PCCA: variants seen among roughly 807,000 people sequenced by gnomAD.
The protein encoded by PCCA is propionyl-CoA carboxylase alpha chain, mitochondrial.
Under a neutral mutation model 101.3 loss-of-function variants are expected in PCCA, and 74 were observed. That is an observed-to-expected ratio of 0.73 (90% confidence interval 0.61 to 0.89). The LOEUF (loss-of-function observed/expected upper bound fraction) is 0.89, where lower values mean the gene tolerates loss of function less well. PCCA is among the 40% of genes least tolerant of loss of function. PCCA has a pLI of 0.00. For missense variants in PCCA, 891 were observed against 907.0 expected, an observed-to-expected ratio of 0.98 and a Z score of 0.23; for synonymous variants, 294 against 313.6, an observed-to-expected ratio of 0.94 and a Z score of 0.66.
chr13:100,095,287 G>C (rs2046667368), intron 1 of PCCA, among the ~76,000 whole-genome samples: 1 of 152,186 alleles, frequency 6.6e-6, no homozygotes, highest in African/African-American at 2.4e-5. Context: ...TATTGGCAAA[G>C]ACACTTTATC....
chr13:100,334,815 A>T (rs958677237), intron 17 of PCCA, among the ~76,000 whole-genome samples: 1 of 152,188 alleles, frequency 6.6e-6, no homozygotes, highest in Admixed American at 6.5e-5. Flanking sequence ...AGTGCATACT[A>T]GGAGTTTCAT....
intron 19 of PCCA, among the ~76,000 whole-genome samples, chr13:100,370,254 T>C (rs938889115): frequency 6.6e-6 from 1 of 151,720 alleles, no homozygotes. Flanking sequence ...CCAACTAATT[T>C]TTGTATTTTT....
chr13:100,242,919 CAG>C (rs151301711), intron 8 of PCCA, among the ~76,000 whole-genome samples: 2,929 of 152,102 alleles, frequency 0.019, 118 homozygotes, highest in East Asian at 0.12. Context: ...TTTTTTGAGA[CAG>C]AGTCTCATTC....
At chr13:100,279,000 G>A (rs9518040) in intron 12 of PCCA, among the ~76,000 whole-genome samples, 138,971 of 152,094 alleles carry the variant, frequency 0.91, 64,298 homozygotes, top group South Asian at 0.99. Context: ...ATATGAATCA[G>A]TGCTATAGAA....
chr13:100,145,369 G>C (rs906253546), intron 4 of PCCA, among the ~76,000 whole-genome samples: 1 of 152,102 alleles, frequency 6.6e-6, no homozygotes, highest in Non-Finnish European at 1.5e-5. Flanking sequence ...GTCCCCTCAG[G>C]CCCCAGTAGT....
chr13:100,368,066 G>T (rs894553605), intron 18 of PCCA, among the ~76,000 whole-genome samples: 7 of 152,132 alleles, frequency 4.6e-5, no homozygotes, highest in Non-Finnish European at 1.0e-4. Context: ...ATAATGTAGA[G>T]AGGTTCATTG....
At chr13:100,213,956 C>T (rs143281380) in intron 7 of PCCA, among the ~76,000 whole-genome samples, 93 of 152,236 alleles carry the variant, frequency 6.1e-4, no homozygotes, top group African/African-American at 2.0e-3. Context: ...TCTGGTTATC[C>T]GGTTCTCCGA....
At chr13:100,231,060 C>T (rs1038952667) in intron 7 of PCCA, among the ~76,000 whole-genome samples, 2 of 152,196 alleles carry the variant, frequency 1.3e-5, no homozygotes, top group African/African-American at 2.4e-5. Context: ...TCAGTTACCA[C>T]GCCTGAGAAA....
chr13:100,112,412 A>G (rs975643491), intron 4 of PCCA, among the ~76,000 whole-genome samples: 1 of 152,168 alleles, frequency 6.6e-6, no homozygotes, highest in Non-Finnish European at 1.5e-5. Context: ...CTTCAGTATC[A>G]CTAAGGGAAT....
chr13:100,137,653 C>T (rs73570946), intron 4 of PCCA, among the ~76,000 whole-genome samples: 135 of 152,228 alleles, frequency 8.9e-4, no homozygotes, highest in African/African-American at 2.8e-3. Context: ...CCTAGGCATT[C>T]CAGCCTTTAT....
At chr13:100,410,125 A>G (rs1292058684) in intron 19 of PCCA, among the ~76,000 whole-genome samples, 3 of 152,202 alleles carry the variant, frequency 2.0e-5, no homozygotes, top group African/African-American at 7.2e-5. Context: ...TTGCTAATTA[A>G]TGTACTATAT....
intron 9 of PCCA, among the ~76,000 whole-genome samples, chr13:100,258,405 G>A (rs1334268629): frequency 2.6e-5 from 4 of 152,276 alleles, no homozygotes; most frequent in South Asian, 2.1e-4. Flanking sequence ...GCCACAGCCC[G>A]TTTTGTGGGA....
At chr13:100,507,379 A>G (rs1303784069) in intron 21 of PCCA, among the ~76,000 whole-genome samples, 2 of 152,168 alleles carry the variant, frequency 1.3e-5, no homozygotes, top group East Asian at 1.9e-4. Flanking sequence ...CTATGGCGCC[A>G]CACTCCAGGT....
chr13:100,264,122 A>C (rs370228824), intron 10 of PCCA, among the ~76,000 whole-genome samples: 11 of 94,098 alleles, frequency 1.2e-4, no homozygotes, highest in African/African-American at 3.6e-4. Flanking sequence ...GTATCTGTAT[A>C]TCGTATATAT....
In PCCA at chr13:100,273,997, GTATTAT is replaced by G. The variant is rs1218950199; in HGVS notation, c.1065+655_1065+660del. On this transcript the variant is annotated intron_variant, in intron 12 of 23. Transcript: ENST00000376285. ...ATAGAACACAGGTGAATAATTGAAT[GTATTAT>G]TATAAAGCAAAAATCAATGTAAACA... Among the ~76,000 whole-genome samples, 9 of 152,264 alleles carry G rather than the reference GTATTAT, an allele frequency of 5.9e-5. No individual in the cohort carries two copies. In the South Asian group the frequency reaches 1.9e-3, roughly 32 times the overall value.
At chr13:100,489,431 A>G (rs1042309947) in intron 21 of PCCA, among the ~76,000 whole-genome samples, 4 of 152,248 alleles carry the variant, frequency 2.6e-5, no homozygotes, top group African/African-American at 9.6e-5. Flanking sequence ...GAAAAGATTG[A>G]CCATCTAGCC....
intron 10 of PCCA, among the ~76,000 whole-genome samples, chr13:100,268,110 G>A (rs1337289439): frequency 6.6e-6 from 1 of 152,168 alleles, no homozygotes; most frequent in Non-Finnish European, 1.5e-5. Flanking sequence ...AGCTTTTGGA[G>A]CATTTTGGAT....
chr13:100,355,920 A>C (rs1049331318), intron 18 of PCCA, among the ~76,000 whole-genome samples: 5 of 152,200 alleles, frequency 3.3e-5, no homozygotes, highest in African/African-American at 1.2e-4. Context: ...AAGCATAGAC[A>C]TGTTGATCAA....
At chr13:100,194,519 G>T (rs1382835978) in intron 6 of PCCA, among the ~76,000 whole-genome samples, 3 of 152,158 alleles carry the variant, frequency 2.0e-5, no homozygotes, top group Non-Finnish European at 2.9e-5. Context: ...CCGGGTTCAA[G>T]CAATTCTCCT....
Sources: gnomAD v4.1 joint callset for allele counts (sites outside exome capture counted in the v4.1 genomes callset) on GRCh38, gnomAD v4.1.1 for gene constraint, MANE v1.5 for transcripts, NCBI Gene and HGNC (gene_info 2026-07-23, HGNC 2026-07-21) for gene names.